Variants in KIAA0825 observed in about 807,000 individuals in gnomAD.
KIAA0825 encodes KIAA0825, also known as uncharacterized protein KIAA0825.
A neutral mutation model predicts 147.6 loss-of-function variants in KIAA0825; 119 were observed. That is an observed-to-expected ratio of 0.81 (90% CI 0.69 to 0.94). The LOEUF is 0.94. Among genes scored for constraint, KIAA0825 ranks in the 40% least tolerant of loss-of-function variants. KIAA0825 has a pLI of 0.00. For missense variants in KIAA0825, 1,381 were observed against 1,472.7 expected (o/e 0.94, Z 1.02); for synonymous variants, 470 against 518.1 (o/e 0.91, Z 1.26).
At chr5:94,277,499 T>C (rs1471334220) in intron 20 of KIAA0825, among the ~76,000 whole-genome samples, 1 of 151,834 alleles carries the variant, frequency 6.6e-6, no homozygotes, top group African/African-American at 2.4e-5. Flanking sequence ...CCAACAAACA[T>C]GAAAAAAAGC....
At chr5:94,583,786 C>A (rs933647489) in intron 1 of KIAA0825, among the ~76,000 whole-genome samples, 9 of 152,082 alleles carry the variant, frequency 5.9e-5, no homozygotes, top group African/African-American at 2.2e-4. Context: ...GGCTGACAGA[C>A]ACCTCATATA....
intron 5 of KIAA0825, among the ~76,000 whole-genome samples, chr5:94,505,617 A>G (rs898232092): frequency 1.3e-5 from 2 of 152,206 alleles, no homozygotes; most frequent in Non-Finnish European, 2.9e-5. Context: ...TACAATTTGT[A>G]TAAAGATGTC....
chr5:94,536,610 T>A (rs1006184817), intron 3 of KIAA0825, among the ~76,000 whole-genome samples: 2 of 152,226 alleles, frequency 1.3e-5, no homozygotes, highest in African/African-American at 4.8e-5. Flanking sequence ...GAAAGAATCA[T>A]AAAATGACCA....
intron 20 of KIAA0825, among the ~76,000 whole-genome samples, chr5:94,272,149 C>T (rs1286550311): frequency 7.1e-6 from 1 of 140,620 alleles, no homozygotes; most frequent in Admixed American, 7.2e-5. Context: ...CAATTGAACT[C>T]ATGGAGATAG....
chr5:94,368,354 G>A (rs1391451645), intron 20 of KIAA0825, among the ~76,000 whole-genome samples: 1 of 152,108 alleles, frequency 6.6e-6, no homozygotes, highest in African/African-American at 2.4e-5. Flanking sequence ...TGTATTTTTT[G>A]TAGAAATAGG....
intron 14 of KIAA0825, among the ~76,000 whole-genome samples, chr5:94,436,711 C>T (rs1021319911): frequency 2.0e-5 from 3 of 152,150 alleles, no homozygotes; most frequent in Admixed American, 6.5e-5. Flanking sequence ...TTTATTTCGG[C>T]AGTGTGTCCA....
intron 2 of KIAA0825, among the ~76,000 whole-genome samples, chr5:94,575,651 A>C (rs1050498545): frequency 1.3e-5 from 2 of 152,240 alleles, no homozygotes; most frequent in African/African-American, 4.8e-5. Flanking sequence ...TCAGCGTGGA[A>C]GAAGACCAAT....
chr5:94,210,330 G>T (rs893130714), intron 20 of KIAA0825, among the ~76,000 whole-genome samples: 4 of 152,104 alleles, frequency 2.6e-5, no homozygotes, highest in African/African-American at 7.2e-5. Context: ...TTCATTCAAG[G>T]CTAGTGCACT....
chr5:94,339,534 G>C (rs1004838513), intron 20 of KIAA0825, among the ~76,000 whole-genome samples: 5 of 152,084 alleles, frequency 3.3e-5, no homozygotes, highest in African/African-American at 1.2e-4. Flanking sequence ...TAGCGTCAAC[G>C]CATTTTTATT....
chr5:94,556,693 T>C (rs1198116991), intron 2 of KIAA0825, among the ~76,000 whole-genome samples: 1 of 152,228 alleles, frequency 6.6e-6, no homozygotes, highest in Non-Finnish European at 1.5e-5. Flanking sequence ...CAGTCTTGTA[T>C]CATCAATATC....
intron 1 of KIAA0825, chr5:94,593,086 A>G: frequency 2.8e-6 from 2 of 720,698 alleles, no homozygotes; most frequent in South Asian, 1.4e-5. Flanking sequence ...TTTAGCTACA[A>G]ATAAATTCAA....
chr5:94,314,269 G>T (rs542636780), intron 20 of KIAA0825, among the ~76,000 whole-genome samples: 1 of 151,628 alleles, frequency 6.6e-6, no homozygotes, highest in South Asian at 2.1e-4. Flanking sequence ...TAACACTAAT[G>T]AACCCAGACT....
At chr5:94,380,043 C>T (rs571205997) in intron 20 of KIAA0825, among the ~76,000 whole-genome samples, 103 of 151,680 alleles carry the variant, frequency 6.8e-4, no homozygotes, top group African/African-American at 2.4e-3. Context: ...TTAGTAAAGA[C>T]GGGATTTCAC....
chr5:94,336,504 A>C (rs1264142934), intron 20 of KIAA0825, among the ~76,000 whole-genome samples: 1 of 150,856 alleles, frequency 6.6e-6, no homozygotes. Flanking sequence ...GAGTGAGAAC[A>C]TGCAGTGTTT....
intron 2 of KIAA0825, among the ~76,000 whole-genome samples, chr5:94,565,505 C>T (rs968076813): frequency 5.9e-5 from 9 of 151,882 alleles, no homozygotes; most frequent in Non-Finnish European, 7.4e-5. Context: ...CCATATCTGG[C>T]TAATTTTTGT....
intron 20 of KIAA0825, among the ~76,000 whole-genome samples, chr5:94,308,617 T>C (rs1347023745): frequency 6.6e-6 from 1 of 151,808 alleles, no homozygotes; most frequent in Non-Finnish European, 1.5e-5. Context: ...ACTCATGTTT[T>C]AAAATGAGAT....
rs1233103560 is a variant in KIAA0825 at position 94,156,381 on chromosome 5, A to G, written c.3711-2257T>C. Among the ~76,000 whole-genome samples the G allele has an allele frequency of 3.9e-5, 6 of 152,350 alleles. No homozygotes were observed. In the South Asian group the frequency reaches 8.3e-4, roughly 21 times the overall value. ...AAAAGAACCATCTAAGGATCATATA[A>G]TCTTAAATCCAAACATGAGAAATTA... On this transcript the variant is annotated intron_variant, in intron 20 of 20. Coordinates refer to ENST00000682413, the MANE Select transcript of KIAA0825 (RefSeq NM_001145678.3).
intron 2 of KIAA0825, chr5:94,568,199 C>G (rs141757486): frequency 6.2e-6 from 1 of 160,324 alleles, no homozygotes; most frequent in East Asian, 1.7e-4. Flanking sequence ...ACAAGACATT[C>G]GAAAAATAGG....
At chr5:94,265,403 C>G (rs999683268) in intron 20 of KIAA0825, among the ~76,000 whole-genome samples, 1 of 152,140 alleles carries the variant, frequency 6.6e-6, no homozygotes, top group South Asian at 2.1e-4. Context: ...AAAATTTGCA[C>G]CAATGGTAAG....
Sources: gnomAD v4.1 joint callset for allele counts (sites outside exome capture counted in the v4.1 genomes callset) on GRCh38, gnomAD v4.1.1 for gene constraint, MANE v1.5 for transcripts, NCBI Gene and HGNC (gene_info 2026-07-23, HGNC 2026-07-21) for gene names.